The following STK32A variants were observed in gnomAD, a reference collection of about 807,000 sequenced individuals.
The protein encoded by STK32A is serine/threonine kinase 32A.
STK32A carries 41 observed loss-of-function variants against 53.2 expected under a neutral mutation model. The observed-to-expected ratio is 0.77, with a 90% confidence interval of 0.60 to 1.00. The LOEUF is 1.00. STK32A is among the 50% of genes least tolerant of loss of function. The probability of loss-of-function intolerance (pLI) is 0.00; values close to 1 mark genes in which losing one functional copy is unlikely to be tolerated. For missense variants in STK32A, 458 were observed against 485.8 expected (o/e 0.94, Z 0.54); for synonymous variants, 166 against 162.8 (o/e 1.02, Z -0.15).
chr5:147,255,132 C>T (rs1266890780), intron 2 of STK32A, among the ~76,000 whole-genome samples: 2 of 152,070 alleles, frequency 1.3e-5, no homozygotes, highest in Admixed American at 1.3e-4. Flanking sequence ...AGAGACTCCA[C>T]CTCAAAAACA....
At chr5:147,352,234 A>T (rs1228129182) in intron 7 of STK32A, among the ~76,000 whole-genome samples, 2 of 152,218 alleles carry the variant, frequency 1.3e-5, no homozygotes, top group African/African-American at 2.4e-5. Flanking sequence ...AATTATTTTT[A>T]AAAATAAATA....
intron 7 of STK32A, among the ~76,000 whole-genome samples, chr5:147,357,232 T>G (rs1317838022): frequency 4.6e-5 from 7 of 152,280 alleles, no homozygotes; most frequent in Admixed American, 2.0e-4. Flanking sequence ...AAATTCATAT[T>G]AACTTGTACT....
rs569196721 is a variant in STK32A at position 147,360,197 on chromosome 5, C to A, written c.563-1320C>A. Among the ~76,000 whole-genome samples the A allele has an allele frequency of 6.6e-5, 10 of 152,030 alleles. No individual in the cohort carries two copies. The South Asian group carries it at 2.1e-3, about 32-fold the overall frequency. On this transcript the variant is annotated intron_variant, in intron 7 of 12. Coordinates refer to ENST00000397936, the MANE Select transcript of STK32A (RefSeq NM_001112724.2). Reference sequence around the variant, plus strand: ...GGGTGCAGTGACTCACACCTGTAATCCCAGTACTTTAGGAGGCCAAAGCAG... The same window carrying A: ...GGGTGCAGTGACTCACACCTGTAATACCAGTACTTTAGGAGGCCAAAGCAG...
intron 5 of STK32A, among the ~76,000 whole-genome samples, chr5:147,334,383 G>A (rs969629678): frequency 6.6e-6 from 1 of 152,172 alleles, no homozygotes; most frequent in African/African-American, 2.4e-5. Flanking sequence ...CATTAGTACT[G>A]TTGTACTAGT....
At position 147,250,905 on chromosome 5, in the gene STK32A, G is replaced by GCACTCCA. The variant is rs1260548450; in HGVS notation, c.52+11220_52+11226dup. On this transcript the variant is annotated intron_variant, in intron 2 of 12. Coordinates refer to ENST00000397936, the MANE Select transcript of STK32A (RefSeq NM_001112724.2). Reference sequence around the variant, plus strand: ...GGCAGTGAGCCGAGATGGTGTCACTGCACTCCAGCCTGGGCAACAGAGCAA... The same window carrying GCACTCCA: ...GGCAGTGAGCCGAGATGGTGTCACTGCACTCCACACTCCAGCCTGGGCAACAGAGCAA... Among the ~76,000 whole-genome samples, 6 of 137,754 alleles carry GCACTCCA rather than the reference G, an allele frequency of 4.4e-5. No individual in the cohort carries two copies. The East Asian group carries it at 1.3e-3, about 30-fold the overall frequency. 90.4% of individuals were successfully genotyped at this position (137,754 alleles called of 152,430 possible).
intron 11 of STK32A, among the ~76,000 whole-genome samples, chr5:147,382,077 G>C (rs1757474845): frequency 6.6e-6 from 1 of 152,148 alleles, no homozygotes; most frequent in African/African-American, 2.4e-5. Context: ...ATGGGCTGTG[G>C]GTTGGACAAG....
intron 5 of STK32A, among the ~76,000 whole-genome samples, chr5:147,339,231 G>A (rs1304159278): frequency 6.6e-6 from 1 of 152,156 alleles, no homozygotes; most frequent in Non-Finnish European, 1.5e-5. Flanking sequence ...GTTTCTAAAG[G>A]GGCCAACATA....
intron 4 of STK32A, among the ~76,000 whole-genome samples, chr5:147,321,975 C>T (rs1754343924): frequency 6.6e-6 from 1 of 152,212 alleles, no homozygotes; most frequent in East Asian, 1.9e-4. Context: ...ATCATTCTTT[C>T]TCTTACCTTA....
intron 4 of STK32A, among the ~76,000 whole-genome samples, chr5:147,302,946 A>C (rs1029703276): frequency 6.6e-6 from 1 of 152,168 alleles, no homozygotes; most frequent in African/African-American, 2.4e-5. Context: ...TTCCCAGTAC[A>C]TGTTATTTGG....
intron 2 of STK32A, among the ~76,000 whole-genome samples, chr5:147,241,645 A>C (rs940444569): frequency 2.0e-5 from 3 of 152,154 alleles, no homozygotes; most frequent in Non-Finnish European, 4.4e-5. Flanking sequence ...TCTTAAGAAA[A>C]CTTTTTTTTC....
At chr5:147,271,533 A>G (rs926952046) in intron 2 of STK32A, among the ~76,000 whole-genome samples, 1 of 152,200 alleles carries the variant, frequency 6.6e-6, no homozygotes, top group Non-Finnish European at 1.5e-5. Context: ...GTGAGCCGGG[A>G]GGAACAGAGC....
At chr5:147,324,344 A>T (rs866999166) in intron 5 of STK32A, among the ~76,000 whole-genome samples, 21 of 152,326 alleles carry the variant, frequency 1.4e-4, no homozygotes, top group African/African-American at 4.6e-4. Flanking sequence ...AAAGGAGAAA[A>T]GGTGACATAT....
intron 2 of STK32A, among the ~76,000 whole-genome samples, chr5:147,243,734 T>C (rs1247687390): frequency 1.6e-5 from 1 of 61,484 alleles, no homozygotes; most frequent in Non-Finnish European, 3.7e-5. Flanking sequence ...AGCAAGACTC[T>C]GTCCAAAAAA....
chr5:147,239,793 AGG>A, intron 2 of STK32A, 107 bp downstream of exon 2: 1 of 839,018 alleles, frequency 1.2e-6, no homozygotes, highest in Non-Finnish European at 1.9e-6. Context: ...AGGGCCTTGA[AGG>A]AAAAAGGCAA....
Position 147,239,666 on chromosome 5 carries a change from T to A in STK32A, c.32T>A (p.Val11Glu). The A allele has an allele frequency of 6.2e-7, 1 of 1,608,866 alleles. No homozygotes were observed. Among genetic ancestry groups the A allele is most frequent in the Non-Finnish European group, 8.5e-7 (1 of 1,177,624 alleles). The change falls in exon 2 of 13, where the codon GTG becomes GAG. Residue 11 changes from valine to glutamate, a missense_variant. By Grantham distance (121) the Val-to-Glu change is moderately radical. Coordinates refer to ENST00000397936, the MANE Select transcript of STK32A (RefSeq NM_001112724.2). Reference protein sequence around the residue: MGANTSRKPPVFDENEDVNFD... With the variant: MGANTSRKPPEFDENEDVNFD... ...GCGAACACTTCAAGAAAACCACCAG[T>A]GTTTGATGAAAATGAAGATGGTAAG... is the stretch of plus-strand genomic sequence containing the variant.
intron 4 of STK32A, among the ~76,000 whole-genome samples, chr5:147,314,743 T>TC (rs1228992724): frequency 6.8e-6 from 1 of 148,144 alleles, no homozygotes; most frequent in East Asian, 1.9e-4. Context: ...TCTTTTTCTT[T>TC]TTTTTTTTTT....
chr5:147,336,998 C>T (rs1755165030), intron 5 of STK32A, among the ~76,000 whole-genome samples: 1 of 152,084 alleles, frequency 6.6e-6, no homozygotes, highest in South Asian at 2.1e-4. Context: ...TGTACATGTA[C>T]CGGTATAGGA....
At chr5:147,379,171 T>C (rs920789556) in intron 11 of STK32A, among the ~76,000 whole-genome samples, 1 of 151,908 alleles carries the variant, frequency 6.6e-6, no homozygotes, top group African/African-American at 2.4e-5. Flanking sequence ...AGGTGTTTTA[T>C]TGTTTTGTAG....
At chr5:147,284,626 G>C (rs116480535) in intron 4 of STK32A, among the ~76,000 whole-genome samples, 1 of 148,782 alleles carries the variant, frequency 6.7e-6, no homozygotes, top group Admixed American at 6.8e-5. Flanking sequence ...CAACCAAGTA[G>C]AGAACCAAAT....
Sources: allele counts gnomAD v4.1 joint callset (sites outside exome capture counted in the v4.1 genomes callset), GRCh38; gene constraint gnomAD v4.1.1; transcripts MANE v1.5; gene names NCBI Gene and HGNC (gene_info 2026-07-23, HGNC 2026-07-21).